The following BSN variants were observed in gnomAD, a reference collection of about 807,000 sequenced individuals.
The protein encoded by BSN is bassoon presynaptic cytomatrix protein, also known as protein bassoon.
Under a neutral mutation model 264.8 loss-of-function variants are expected in BSN, and 57 were observed. The observed-to-expected ratio is 0.22, with a 90% confidence interval of 0.17 to 0.27. The LOEUF (loss-of-function observed/expected upper bound fraction) is 0.27, where lower values mean the gene tolerates loss of function less well. BSN is among the 10% of genes least tolerant of loss of function. The probability of loss-of-function intolerance (pLI) is 1.00; values close to 1 mark genes in which losing one functional copy is unlikely to be tolerated. For synonymous variants in BSN, 2,059 were observed against 2,137.3 expected (o/e 0.96, Z 1.01); for missense variants, 4,615 against 5,232.5 (o/e 0.88, Z 3.64).
At chr3:49,558,931 G>T (rs2051693289) in intron 1 of BSN, among the ~76,000 whole-genome samples, 1 of 152,032 alleles carries the variant, frequency 6.6e-6, no homozygotes, top group Non-Finnish European at 1.5e-5. Context: ...TTGTTTGTTT[G>T]TTTTTTGTTT....
At position 49,657,824 on chromosome 3, in the gene BSN, C is replaced by T; in HGVS notation, c.8268C>T (p.Gly2756=). ...GIQIVTPGPL[G]RFEKKKPDPL... Reference sequence around the variant, plus strand: ...AGATCGTCACCCCAGGGCCTCTGGGCAGATTTGAAAAAAAGAAGCCAGATC... The same window carrying T: ...AGATCGTCACCCCAGGGCCTCTGGGTAGATTTGAAAAAAAGAAGCCAGATC... The change falls in exon 5 of 12, where the codon GGC becomes GGT. Residue 2756 remains glycine (G), a synonymous_variant. Transcript: ENST00000296452. 6.2e-7 allele frequency: 1 copy of T among 1,604,828 alleles called. No homozygotes were observed. Among genetic ancestry groups the T allele is most frequent in the Non-Finnish European group, 8.5e-7 (1 of 1,175,950 alleles).
intron 2 of BSN, among the ~76,000 whole-genome samples, chr3:49,626,261 G>T (rs544602403): frequency 6.6e-6 from 1 of 152,146 alleles, no homozygotes; most frequent in Non-Finnish European, 1.5e-5. Context: ...ACAAGAATCC[G>T]TCTTTGGATA....
At chr3:49,605,477 T>A (rs868130543) in intron 1 of BSN, among the ~76,000 whole-genome samples, 7 of 5,580 alleles carry the variant, frequency 1.3e-3, no homozygotes, top group African/African-American at 2.2e-3. Flanking sequence ...ATAATATATA[T>A]TATATAATAT....
At chr3:49,584,706 T>A (rs1436617123) in intron 1 of BSN, among the ~76,000 whole-genome samples, 2 of 152,220 alleles carry the variant, frequency 1.3e-5, no homozygotes, top group East Asian at 3.8e-4. Context: ...TGTTGTGCTA[T>A]CAAATAGTAG....
Position 49,663,203 on chromosome 3 carries a change from A to C in BSN, c.11045A>C (p.His3682Pro). The C allele has an allele frequency of 6.2e-7, 1 of 1,613,906 alleles. No homozygotes were observed. The highest frequency in any genetic ancestry group is 1.1e-5 in the South Asian group (1 of 91,090). Residue 3682 changes from histidine (H) to proline (P), a missense_variant, in exon 7 of 12, where the codon CAC (histidine) becomes CCC (proline). By Grantham distance (77) the His-to-Pro change is moderately conservative. This residue lies in a region of BSN where 3,415 missense variants were observed against 3,866.4 expected (regional missense o/e 0.88). Transcript: ENST00000296452. ...CTGGGTCGCCATGAGGCCCGGCCCC[A>C]CTCTCAGCCCAGCTCTGCTCCAGCT... ...RDLGRHEARP[H>P]SQPSSAPAMP...
At position 49,655,729 on chromosome 3, in the gene BSN, T is replaced by C. The variant is rs1323057612; in HGVS notation, c.6173T>C (p.Met2058Thr). ...GACCTTTTGGCTCACCCGCTTCCCA[T>C]GCGGCGCTATAGCTCAGTGTCGAAC... Reference protein sequence around the residue: ...PTDLLAHPLPMRRYSSVSNIY... With the variant: ...PTDLLAHPLPTRRYSSVSNIY... The change falls in exon 5 of 12, where the codon ATG becomes ACG. Residue 2058 changes from methionine to threonine, a missense_variant. Physicochemically the swap from Met to Thr is moderately conservative, Grantham distance 81. This residue lies in a region of BSN where 3,415 missense variants were observed against 3,866.4 expected (regional missense o/e 0.88). Coordinates refer to ENST00000296452, the MANE Select transcript of BSN (RefSeq NM_003458.4). 1 of 1,613,474 alleles carries C rather than the reference T, an allele frequency of 6.2e-7. No individual in the cohort carries two copies. The highest frequency in any genetic ancestry group is 8.5e-7 in the Non-Finnish European group (1 of 1,180,026).
At chr3:49,557,599 T>C (rs1019866729) in intron 1 of BSN, among the ~76,000 whole-genome samples, 10 of 144,872 alleles carry the variant, frequency 6.9e-5, no homozygotes, top group African/African-American at 2.1e-4. Context: ...TTTTTTTGAG[T>C]TGGAGTCTCG....
At chr3:49,576,936 A>G (rs1478353755) in intron 1 of BSN, among the ~76,000 whole-genome samples, 1 of 152,130 alleles carries the variant, frequency 6.6e-6, no homozygotes, top group African/African-American at 2.4e-5. Context: ...CTCAACCCCA[A>G]TCCGGAAGGA....
intron 1 of BSN, among the ~76,000 whole-genome samples, chr3:49,587,519 C>T (rs1430922684): frequency 1.3e-5 from 2 of 152,098 alleles, no homozygotes; most frequent in Admixed American, 6.6e-5. Flanking sequence ...ACAAAACAAA[C>T]GAAAGAATGA....
At chr3:49,649,601 C>CA (rs2052523729) in intron 3 of BSN, among the ~76,000 whole-genome samples, 1 of 152,216 alleles carries the variant, frequency 6.6e-6, no homozygotes, top group Non-Finnish European at 1.5e-5. Flanking sequence ...CAGAGATGCC[C>CA]AAACCCTATG....
At chr3:49,578,438 C>T (rs576627703) in intron 1 of BSN, among the ~76,000 whole-genome samples, 2 of 151,074 alleles carry the variant, frequency 1.3e-5, no homozygotes, top group East Asian at 1.9e-4. Flanking sequence ...GACGGAGTCT[C>T]GCTCTGTCGC....
rs1485666220 is a variant in BSN, at chr3:49,661,951, T to C, written c.10106T>C (p.Ile3369Thr). 4 of 1,613,910 alleles carry C rather than the reference T, an allele frequency of 2.5e-6. No homozygotes were observed. The highest frequency in any genetic ancestry group is 3.4e-6 in the Non-Finnish European group (4 of 1,180,030). ...CGGAAGCAGGGCATGGAGCAAAAGA[T>C]ATCCAAGTTCTCGCCTATTGAAGAG... ...KHRKQGMEQK[I>T]SKFSPIEEAK... Residue 3369 changes from isoleucine to threonine, a missense_variant, in exon 6 of 12, where the codon ATA becomes ACA. This residue lies in a region of BSN where 3,415 missense variants were observed against 3,866.4 expected (regional missense o/e 0.88). Transcript: ENST00000296452.
intron 1 of BSN, among the ~76,000 whole-genome samples, chr3:49,609,591 G>A (rs1314681964): frequency 1.3e-5 from 2 of 152,138 alleles, no homozygotes; most frequent in Admixed American, 6.5e-5. Flanking sequence ...GTCCAGGGTC[G>A]GGTGGTAACC....
rs539338879 is a variant in BSN at position 49,668,724 on chromosome 3, G to A, written c.*1239G>A. 6 of 152,748 alleles carry A rather than the reference G, an allele frequency of 3.9e-5. No homozygotes were observed. Among genetic ancestry groups the A allele is most frequent in the Admixed American group, 3.9e-4 (6 of 15,306 alleles). The allele number at this position is 152,748 out of a possible 1,614,324, so 9.5% of individuals were successfully genotyped here. ...AAGGGAAAGGCCCAGAGCCCTGTGCGGGGGAATGTGGCACTGTCTATCCAT... is the reference window on the plus strand; with the variant it reads ...AAGGGAAAGGCCCAGAGCCCTGTGCAGGGGAATGTGGCACTGTCTATCCAT... On this transcript the variant is annotated 3_prime_UTR_variant, in exon 12 of 12. Coordinates refer to ENST00000296452, the MANE Select transcript of BSN (RefSeq NM_003458.4).
chr3:49,655,142 A>G lies in BSN; in HGVS notation c.5586A>G (p.Thr1862=), dbSNP rs1314765305. 4 of 1,612,252 alleles carry G rather than the reference A, an allele frequency of 2.5e-6. No homozygotes were observed. The highest frequency in any genetic ancestry group is 1.3e-5 in the African/African-American group (1 of 74,932). ...TGCCAGGTGCCAGGAAGCCACACACAGTGGTGGTGCAGATGGGAGAGGGCA... is the reference window on the plus strand; with the variant it reads ...TGCCAGGTGCCAGGAAGCCACACACGGTGGTGGTGCAGATGGGAGAGGGCA... The part of the protein sequence containing the change: ...HALPGARKPH[T]VVVQMGEGTA... Residue 1862 remains threonine, a synonymous_variant, in exon 5 of 12, where the codon ACA becomes ACG. Coordinates refer to ENST00000296452, the MANE Select transcript of BSN (RefSeq NM_003458.4).
intron 2 of BSN, among the ~76,000 whole-genome samples, chr3:49,633,836 CA>C (rs1379349184): frequency 1.3e-5 from 2 of 152,056 alleles, no homozygotes; most frequent in African/African-American, 2.4e-5. Flanking sequence ...AAGCCAGTCA[CA>C]AAAAGACAAA....
In BSN at chr3:49,660,758, G is replaced by A. The variant is rs2052647108; in HGVS notation, c.8913G>A (p.Glu2971=). The A allele has an allele frequency of 6.2e-7, 1 of 1,613,238 alleles. No individual in the cohort carries two copies. The highest frequency in any genetic ancestry group is 1.7e-5 in the Admixed American group (1 of 60,016). Reference sequence around the variant, plus strand: ...CAGAGCTGGATGAGGAGGAGAAGGAGATTGACGCCAAGCTCAAGTACCTGG... The same window carrying A: ...CAGAGCTGGATGAGGAGGAGAAGGAAATTGACGCCAAGCTCAAGTACCTGG... The part of the protein sequence containing the change: ...KQAELDEEEK[E]IDAKLKYLEL... Residue 2971 remains glutamate (E), a synonymous_variant, in exon 6 of 12, where the codon GAG becomes GAA. Coordinates refer to ENST00000296452, the MANE Select transcript of BSN (RefSeq NM_003458.4). The surrounding 1 kb of genome is among the most constrained non-coding windows in gnomAD (Gnocchi z 7.1).
rs139787101 is a variant in BSN, at chr3:49,650,722, C to G, written c.1629C>G (p.Ala543=). The G allele has an allele frequency of 1.2e-6, 2 of 1,613,278 alleles. No individual in the cohort carries two copies. Among genetic ancestry groups the G allele is most frequent in the South Asian group, 2.2e-5 (2 of 91,082 alleles). ...PPTSQQPPVG[A]PHRASGTSPL... ...CCTCACAGCAGCCCCCTGTAGGGGC[C>G]CCTCACCGTGCATCTGGAACATCCC... Residue 543 remains alanine (A), a synonymous_variant, in exon 4 of 12, where the codon GCC becomes GCG. Transcript: ENST00000296452.
chr3:49,625,394 C>A lies in BSN; in HGVS notation c.633+11C>A, dbSNP rs750960390. 18 of 1,460,730 alleles carry A rather than the reference C, an allele frequency of 1.2e-5. No homozygotes were observed. In the South Asian group the frequency reaches 1.9e-4, roughly 16 times the overall value. The allele number at this position is 1,460,730 out of a possible 1,614,324, so 90.5% of individuals were successfully genotyped here. A position where few individuals can be genotyped will look rare whatever the true frequency, so the allele number is the denominator to read the frequency against. On this transcript the variant is annotated intron_variant, in intron 2 of 11. Coordinates refer to ENST00000296452, the MANE Select transcript of BSN (RefSeq NM_003458.4). The surrounding 1 kb of genome is among the most constrained non-coding windows in gnomAD (Gnocchi z 4.4). ...CCTCATCTCACCCAGGTAACCACTT[C>A]TGCGCCGGCTCCCCACTCACCTGCT... is the stretch of plus-strand genomic sequence containing the variant.
Sources: allele counts gnomAD v4.1 joint callset (sites outside exome capture counted in the v4.1 genomes callset), GRCh38; gene constraint gnomAD v4.1.1; regional missense constraint gnomAD v4.1.1; non-coding constraint Gnocchi (gnomAD v3.1); transcripts MANE v1.5; gene names NCBI Gene and HGNC (gene_info 2026-07-23, HGNC 2026-07-21).